The following ALMS1 variants were observed in gnomAD, a reference collection of about 807,000 sequenced individuals.
ALMS1 encodes ALMS1 centrosome and basal body associated protein, also known as centrosome-associated protein ALMS1.
In ALMS1, 271 loss-of-function variants were observed where a neutral mutation model predicts 352.2. The ratio of observed to expected loss-of-function variants is 0.77; its 90% CI spans 0.70 to 0.85. The LOEUF (loss-of-function observed/expected upper bound fraction) is 0.85, where lower values mean the gene tolerates loss of function less well. ALMS1 is among the 40% of genes least tolerant of loss of function. The pLI is 0.00. For synonymous variants in ALMS1, 1,865 were observed against 1,761.2 expected (o/e 1.06, Z -1.48); for missense variants, 5,445 against 4,870.7 (o/e 1.12, Z -3.51).
Position 73,573,263 on chromosome 2 carries a change from C to T in ALMS1, c.11386C>T (p.His3796Tyr). Residue 3796 changes from histidine (H) to tyrosine (Y), a missense_variant, in exon 16 of 23, where the codon CAT becomes TAT. Coordinates refer to ENST00000613296, the MANE Select transcript of ALMS1 (RefSeq NM_001378454.1). ...DTARLIQAFGHERVCLSPRRI... is the reference protein window; with the variant it reads ...DTARLIQAFGYERVCLSPRRI... ...TGCCCGGCTGATTCAAGCTTTTGGCCATGAAAGAGTATGCTTGTCACCCAG... is the reference window on the plus strand; with the variant it reads ...TGCCCGGCTGATTCAAGCTTTTGGCTATGAAAGAGTATGCTTGTCACCCAG... The T allele has an allele frequency of 1.2e-6, 2 of 1,613,888 alleles. No homozygotes were observed. The highest frequency in any genetic ancestry group is 1.7e-6 in the Non-Finnish European group (2 of 1,179,834).
At position 73,596,860 on chromosome 2, in the gene ALMS1, C is replaced by CTTTTTTTTTTTTTTT. The variant is rs70965740; in HGVS notation, c.11548-2537_11548-2523dup. 1.8e-3 allele frequency among the ~76,000 whole-genome samples: 189 copies of CTTTTTTTTTTTTTTT among 104,194 alleles called. 1 individual carries two copies. Among genetic ancestry groups the CTTTTTTTTTTTTTTT allele is most frequent in the Admixed American group, 2.8e-3 (23 of 8,162 alleles). 68.4% of individuals were successfully genotyped at this position (104,194 alleles called of 152,430 possible). On this transcript the variant is annotated intron_variant, in intron 16 of 22. Transcript: ENST00000613296. Reference sequence around the variant, plus strand: ...ATCAGGAAATATAAGCCCTCTACCTCTTTTTTTTTTTTTTTTTTCTTTTTT... The same window carrying CTTTTTTTTTTTTTTT: ...ATCAGGAAATATAAGCCCTCTACCTCTTTTTTTTTTTTTTTTTTTTTTTTTTTTTTTTTCTTTTTT...
At chr2:73,514,495 G>A (rs186148967) in intron 10 of ALMS1, among the ~76,000 whole-genome samples, 1 of 152,070 alleles carries the variant, frequency 6.6e-6, no homozygotes, top group Admixed American at 6.5e-5. Flanking sequence ...TGTTCTACAT[G>A]TTCTGAATCC....
intron 13 of ALMS1, among the ~76,000 whole-genome samples, chr2:73,556,082 A>G (rs1316295583): frequency 6.6e-6 from 1 of 152,216 alleles, no homozygotes; most frequent in African/African-American, 2.4e-5. Flanking sequence ...ACTTTACACA[A>G]GAAACATTAT....
Position 73,550,441 on chromosome 2 carries a change from A to G in ALMS1, c.10078+4A>G, listed in dbSNP as rs1674405663. On this transcript the variant is annotated splice_donor_region_variant and intron_variant, in intron 13 of 22. Transcript: ENST00000613296. ...CCCTTGCAGAATGAAAATGCAGGTA[A>G]CTGGATTGGCTTTGTATACTTTGTA... 6.2e-7 allele frequency: 1 copy of G among 1,614,058 alleles called. No individual in the cohort carries two copies. Among genetic ancestry groups the G allele is most frequent in the African/African-American group, 1.3e-5 (1 of 75,060 alleles).
At chr2:73,482,050 C>T (rs1490032036) in intron 9 of ALMS1, among the ~76,000 whole-genome samples, 1 of 152,116 alleles carries the variant, frequency 6.6e-6, no homozygotes, top group Admixed American at 6.6e-5. Context: ...TCCTCTTTTC[C>T]TAATTGAATA....
At chr2:73,594,830 G>A (rs778081292) in intron 16 of ALMS1, among the ~76,000 whole-genome samples, 2 of 152,114 alleles carry the variant, frequency 1.3e-5, no homozygotes, top group Non-Finnish European at 2.9e-5. Flanking sequence ...CGTTCCACAT[G>A]GGCTGTGGTA....
At chr2:73,582,072 A>AT (rs1219296866) in intron 16 of ALMS1, among the ~76,000 whole-genome samples, 2 of 152,044 alleles carry the variant, frequency 1.3e-5, no homozygotes, top group African/African-American at 4.8e-5. Context: ...TTTGCCTTTG[A>AT]TTTTACTTCA....
chr2:73,562,163 G>A (rs529916334), intron 15 of ALMS1, among the ~76,000 whole-genome samples: 1 of 152,122 alleles, frequency 6.6e-6, no homozygotes, highest in African/African-American at 2.4e-5. Context: ...ATGTATGTAT[G>A]TATGTATGTA....
At chr2:73,411,096 T>C (rs1671068124) in intron 2 of ALMS1, among the ~76,000 whole-genome samples, 3 of 152,032 alleles carry the variant, frequency 2.0e-5, no homozygotes, top group South Asian at 4.1e-4. Flanking sequence ...TGTGACCTTA[T>C]TGGTGATTGC....
intron 21 of ALMS1, chr2:73,603,699 A>C: frequency 3.8e-6 from 1 of 261,256 alleles, no homozygotes. Context: ...ATCTCTACTC[A>C]AAATACAAAA....
upstream of ALMS1, chr2:73,385,770 C>A: frequency 1.5e-5 from 9 of 591,862 alleles, no homozygotes; most frequent in South Asian, 1.8e-4. Context: ...GCGGGCGGCA[C>A]TGCGCCTAAG....
chr2:73,527,392 T>C (rs1301560126), intron 11 of ALMS1, among the ~76,000 whole-genome samples: 1 of 152,124 alleles, frequency 6.6e-6, no homozygotes, highest in Admixed American at 6.5e-5. Flanking sequence ...AGTTAAGCCA[T>C]TGAGTCCTCA....
chr2:73,494,559 A>G (rs1463388260), intron 10 of ALMS1, among the ~76,000 whole-genome samples: 6 of 152,080 alleles, frequency 3.9e-5, no homozygotes, highest in Non-Finnish European at 7.4e-5. Context: ...GACTCCTCCA[A>G]TCTATGACAG....
intron 12 of ALMS1, among the ~76,000 whole-genome samples, chr2:73,545,918 G>T (rs572487743): frequency 3.3e-5 from 5 of 152,286 alleles, no homozygotes; most frequent in African/African-American, 1.2e-4. Flanking sequence ...GCCTTTTGTA[G>T]TGTAGGCATC....
rs749166937 is a variant in ALMS1 at position 73,464,811 on chromosome 2, G to T, written c.7674+9516G>T. On this transcript the variant is annotated intron_variant, in intron 9 of 22. Coordinates refer to ENST00000613296, the MANE Select transcript of ALMS1 (RefSeq NM_001378454.1). ...TTCTTATACACCAACAGCAGACAAA[G>T]AGCGAGCCAAATCATGAGTGAACTC... Among the ~76,000 whole-genome samples, 92 of 152,172 alleles carry T rather than the reference G, an allele frequency of 6.0e-4. 1 individual carries two copies. The highest frequency in any genetic ancestry group is 9.7e-4 in the Non-Finnish European group (66 of 67,988).
At chr2:73,455,497 A>C (rs936538812) in intron 9 of ALMS1, among the ~76,000 whole-genome samples, 1 of 152,144 alleles carries the variant, frequency 6.6e-6, no homozygotes, top group Admixed American at 6.5e-5. Context: ...CTGAACTCTT[A>C]GACTCAAGGA....
At chr2:73,538,444 G>C (rs1346814126) in intron 12 of ALMS1, among the ~76,000 whole-genome samples, 2 of 152,148 alleles carry the variant, frequency 1.3e-5, no homozygotes, top group African/African-American at 4.8e-5. Flanking sequence ...CCAGTCTGCA[G>C]CTCCCAGTGT....
At chr2:73,482,112 A>G (rs945574962) in intron 9 of ALMS1, among the ~76,000 whole-genome samples, 4 of 152,184 alleles carry the variant, frequency 2.6e-5, no homozygotes, top group Admixed American at 2.0e-4. Flanking sequence ...TTCCAACACC[A>G]TGTTGAATAG....
At chr2:73,401,308 A>C (rs1005823985) in intron 1 of ALMS1, among the ~76,000 whole-genome samples, 1 of 151,808 alleles carries the variant, frequency 6.6e-6, no homozygotes, top group African/African-American at 2.4e-5. Flanking sequence ...TAGTTTCCTA[A>C]GTTGGAAGCT....
Sources: allele counts gnomAD v4.1 joint callset (sites outside exome capture counted in the v4.1 genomes callset), GRCh38; gene constraint gnomAD v4.1.1; transcripts MANE v1.5; gene names NCBI Gene and HGNC (gene_info 2026-07-23, HGNC 2026-07-21).